RBPJ: variants seen among roughly 807,000 people sequenced by gnomAD.
RBPJ encodes the protein recombination signal binding protein for immunoglobulin kappa J region, also known as recombining binding protein suppressor of hairless.
In RBPJ, 9 loss-of-function variants were observed where a neutral mutation model predicts 67.8. That is an observed-to-expected ratio of 0.13 (90% confidence interval 0.08 to 0.23). RBPJ has a LOEUF of 0.23. Among genes scored for constraint, RBPJ ranks in the 10% least tolerant of loss-of-function variants. The pLI is 1.00. For missense variants in RBPJ, 305 were observed against 595.6 expected (o/e 0.51, Z 5.08); for synonymous variants, 198 against 203.3 (o/e 0.97, Z 0.22).
chr4:26,316,673 CATATATATATAT>C (rs112146974), upstream of RBPJ, among the ~76,000 whole-genome samples: 1 of 127,130 alleles, frequency 7.9e-6, no homozygotes, highest in Admixed American at 7.9e-5. Context: ...TATATATACA[CATATATATATAT>C]ACACATATTG....
intron 1 of RBPJ, among the ~76,000 whole-genome samples, chr4:26,328,956 A>ATC (rs1723939921): frequency 6.6e-6 from 1 of 152,138 alleles, no homozygotes; most frequent in Non-Finnish European, 1.5e-5. Flanking sequence ...TTGAATATTA[A>ATC]TCAGGGATAC....
At chr4:26,249,267 C>G (rs1045299872) in intron 1 of RBPJ, among the ~76,000 whole-genome samples, 2 of 152,064 alleles carry the variant, frequency 1.3e-5, no homozygotes, top group African/African-American at 4.8e-5. Context: ...TTATGAAACA[C>G]ACAGCTCCAT....
chr4:26,418,790 A>G (rs992713217), intron 4 of RBPJ, among the ~76,000 whole-genome samples: 3 of 152,134 alleles, frequency 2.0e-5, no homozygotes, highest in African/African-American at 7.2e-5. Flanking sequence ...ACCCATTTTC[A>G]TAGACCTCGT....
At chr4:26,213,568 G>T (rs1226304266) in intron 1 of RBPJ, among the ~76,000 whole-genome samples, 4 of 152,170 alleles carry the variant, frequency 2.6e-5, no homozygotes, top group Non-Finnish European at 5.9e-5. Flanking sequence ...AGGAGTCATG[G>T]GAGAGAGTGA....
intron 1 of RBPJ, among the ~76,000 whole-genome samples, chr4:26,375,607 A>G (rs1263032366): frequency 6.6e-6 from 1 of 152,250 alleles, no homozygotes; most frequent in Non-Finnish European, 1.5e-5. Context: ...CTACTTAAAC[A>G]ATTTGAAGTG....
chr4:26,136,816 C>G, the RBPJ span, among the ~76,000 whole-genome samples: 1 of 152,078 alleles, frequency 6.6e-6, no homozygotes, highest in Non-Finnish European at 1.5e-5. Context: ...TATCTTTTCC[C>G]CAATGGCACT....
intron 1 of RBPJ, among the ~76,000 whole-genome samples, chr4:26,244,007 A>T (rs1294438681): frequency 6.6e-6 from 1 of 151,876 alleles, no homozygotes; most frequent in Non-Finnish European, 1.5e-5. Flanking sequence ...AAGTGGGAGG[A>T]TCACTTGAGC....
At chr4:26,425,740 A>G (rs1735588940) in intron 7 of RBPJ, among the ~76,000 whole-genome samples, 1 of 152,208 alleles carries the variant, frequency 6.6e-6, no homozygotes. Context: ...TAATTTACTT[A>G]TATTCAAGAT....
chr4:26,325,469 C>T (rs962204599), intron 1 of RBPJ, among the ~76,000 whole-genome samples: 14 of 152,148 alleles, frequency 9.2e-5, no homozygotes, highest in African/African-American at 3.4e-4. Context: ...AACTGGGTTC[C>T]AATTCTGTCT....
chr4:26,312,353 G>C (rs1036267527), intron 1 of RBPJ, among the ~76,000 whole-genome samples: 1 of 152,020 alleles, frequency 6.6e-6, no homozygotes, highest in Non-Finnish European at 1.5e-5. Flanking sequence ...AGATGGTCTC[G>C]ATCTCCTGAC....
At position 26,429,986 on chromosome 4, in the gene RBPJ, C is replaced by T; in HGVS notation, c.977C>T (p.Thr326Ile). 6.2e-7 allele frequency: 1 copy of T among 1,614,046 alleles called. No homozygotes were observed. The highest frequency in any genetic ancestry group is 1.1e-5 in the South Asian group (1 of 91,082). ...TIISTDKAEYTFYEGMGPVLA... is the reference protein window; with the variant it reads ...TIISTDKAEYIFYEGMGPVLA... ...ATTAGCACAGATAAGGCAGAGTATA[C>T]ATTTTATGAGGGAATGGGCCCTGTC... The change falls in exon 9 of 11, where the codon ACA becomes ATA. Residue 326 changes from threonine to isoleucine, a missense_variant. Coordinates refer to ENST00000355476, the MANE Select transcript of RBPJ (RefSeq NM_015874.6).
chr4:26,126,808 C>A, the RBPJ span, among the ~76,000 whole-genome samples: 1 of 152,186 alleles, frequency 6.6e-6, no homozygotes, highest in African/African-American at 2.4e-5. Context: ...CCAGTTACAT[C>A]AAATAAGTTG....
chr4:26,255,132 T>G (rs148755516), intron 1 of RBPJ, among the ~76,000 whole-genome samples: 58 of 144,832 alleles, frequency 4.0e-4, no homozygotes, highest in Non-Finnish European at 7.3e-4. Context: ...AGGCCGGGCG[T>G]GGTGGCTCAC....
the RBPJ span, among the ~76,000 whole-genome samples, chr4:26,126,387 G>A: frequency 6.6e-6 from 1 of 152,212 alleles, no homozygotes; most frequent in Non-Finnish European, 1.5e-5. Context: ...GTATTTTGAG[G>A]TGGGTAGCCT....
intron 1 of RBPJ, among the ~76,000 whole-genome samples, chr4:26,179,308 T>C (rs1716900794): frequency 6.7e-6 from 1 of 149,796 alleles, no homozygotes; most frequent in African/African-American, 2.4e-5. Context: ...TTTTTTTTTT[T>C]GAAAGCTCCC....
chr4:26,186,178 T>TC (rs1207654210), intron 1 of RBPJ, among the ~76,000 whole-genome samples: 2 of 107,510 alleles, frequency 1.9e-5, no homozygotes, highest in Admixed American at 1.1e-4. Context: ...TTCTTTCTGC[T>TC]CCCCCCTTTT....
At chr4:26,181,817 G>T (rs115445891) in intron 1 of RBPJ, among the ~76,000 whole-genome samples, 1,593 of 152,280 alleles carry the variant, frequency 0.01, 27 homozygotes, top group African/African-American at 0.036. Flanking sequence ...CTTGCATAGG[G>T]CACTTACCGG....
chr4:26,264,006 C>G lies in RBPJ; in HGVS notation c.-166-98440C>G, dbSNP rs1384358503. On this transcript the variant is annotated intron_variant, in intron 1 of 4. Transcript: ENST00000512351. This position sits in a 1 kb window ranked among gnomAD's most constrained non-coding sequence, Gnocchi z 4.1. Reference sequence around the variant, plus strand: ...TCTCCTGTCTCAGCCTCCTGAGTAGCTGGGACTACAGACGTGTGCCACCAC... The same window carrying G: ...TCTCCTGTCTCAGCCTCCTGAGTAGGTGGGACTACAGACGTGTGCCACCAC... Among the ~76,000 whole-genome samples, 1 of 152,088 alleles carries G rather than the reference C, an allele frequency of 6.6e-6. No individual in the cohort carries two copies. The highest frequency in any genetic ancestry group is 1.5e-5 in the Non-Finnish European group (1 of 68,028).
intron 1 of RBPJ, among the ~76,000 whole-genome samples, chr4:26,271,751 G>A (rs983935227): frequency 6.6e-5 from 10 of 152,034 alleles, no homozygotes; most frequent in Admixed American, 2.0e-4. Context: ...CTAAGACCTC[G>A]CCTTCTATGT....
Sources: allele counts gnomAD v4.1 joint callset (sites outside exome capture counted in the v4.1 genomes callset), GRCh38; gene constraint gnomAD v4.1.1; non-coding constraint Gnocchi (gnomAD v3.1); transcripts MANE v1.5; gene names NCBI Gene and HGNC (gene_info 2026-07-23, HGNC 2026-07-21).